Variants in SUDS3 observed in about 807,000 individuals in gnomAD.
SUDS3 encodes SIN3A corepressor complex component SDS3, also known as sin3 histone deacetylase corepressor complex component SDS3.
Under a neutral mutation model 53.5 loss-of-function variants are expected in SUDS3, and 23 were observed. The ratio of observed to expected loss-of-function variants is 0.43; its 90% confidence interval spans 0.31 to 0.61. The LOEUF (loss-of-function observed/expected upper bound fraction) is 0.61, where lower values mean the gene tolerates loss of function less well. SUDS3 is among the 20% of genes least tolerant of loss of function. SUDS3 has a pLI of 0.10. For missense variants in SUDS3, 291 were observed against 405.9 expected (o/e 0.72, Z 2.43); for synonymous variants, 150 against 148.5 (o/e 1.01, Z -0.08).
intron 2 of SUDS3, among the ~76,000 whole-genome samples, chr12:118,381,089 T>C (rs1191456799): frequency 6.6e-6 from 1 of 152,124 alleles, no homozygotes; most frequent in African/African-American, 2.4e-5. Context: ...CTCAGGTGAG[T>C]GTAAACTCAC....
chr12:118,414,230 C>T (rs1047904157), intron 11 of SUDS3, 105 bp from the exon 12 acceptor site: 1 of 823,198 alleles, frequency 1.2e-6, no homozygotes, highest in Non-Finnish European at 1.9e-6. Context: ...CAAGAGGCTA[C>T]CAGCCTTCTG....
rs2046414617 is a variant in SUDS3, at chr12:118,417,777, T to G, written c.*3344T>G. On this transcript the variant is annotated 3_prime_UTR_variant, in exon 12 of 12. Transcript: ENST00000543473. The stretch of plus-strand genomic sequence containing the variant: ...ACTTGATAAGTGATAGAAATTTATT[T>G]TAGGTTTTTGATCCATTGCTTATGG... 2 of 152,104 alleles carry G rather than the reference T, an allele frequency of 1.3e-5. No individual in the cohort carries two copies. The highest frequency in any genetic ancestry group is 1.3e-4 in the Admixed American group (2 of 15,266). The allele number at this position is 152,104 out of a possible 1,614,324, so 9.4% of individuals were successfully genotyped here. A position where few individuals can be genotyped will look rare whatever the true frequency, so the allele number is the denominator to read the frequency against.
At chr12:118,401,724 G>T in intron 7 of SUDS3, 35 bp from the exon 8 acceptor site, 1 of 1,579,292 alleles carries the variant, frequency 6.3e-7, no homozygotes, top group Non-Finnish European at 8.7e-7. Flanking sequence ...CCTGGAAACT[G>T]TACTTTTCAC....
intron 4 of SUDS3, among the ~76,000 whole-genome samples, chr12:118,387,315 A>G (rs1021073211): frequency 2.2e-4 from 34 of 152,144 alleles, no homozygotes; most frequent in Admixed American, 3.9e-4. Context: ...AGGAGGTGGC[A>G]TTTGTGGAAG....
At chr12:118,388,828 C>CAT (rs886091421) in intron 4 of SUDS3, among the ~76,000 whole-genome samples, 6 of 152,174 alleles carry the variant, frequency 3.9e-5, no homozygotes, top group Non-Finnish European at 8.8e-5. Flanking sequence ...TTCCTTACCA[C>CAT]ATATAGCCCT....
chr12:118,382,601 A>G (rs2046076410), intron 2 of SUDS3, among the ~76,000 whole-genome samples: 1 of 151,508 alleles, frequency 6.6e-6, no homozygotes, highest in African/African-American at 2.4e-5. Context: ...GCCTGAGCTC[A>G]AGCATTCCTC....
At chr12:118,400,579 C>T in intron 6 of SUDS3, 80 bp from the exon 7 acceptor site, 6 of 1,327,702 alleles carry the variant, frequency 4.5e-6, no homozygotes, top group Non-Finnish European at 6.5e-6. Flanking sequence ...GGCTGGGGGG[C>T]AGATATTCTT....
chr12:118,378,311 G>A (rs989255269), intron 1 of SUDS3, among the ~76,000 whole-genome samples: 7 of 151,968 alleles, frequency 4.6e-5, no homozygotes, highest in East Asian at 1.9e-4. Context: ...TTGGCTCTGC[G>A]TATCTGTGGG....
chr12:118,396,259 T>C (rs2046214453), intron 6 of SUDS3, among the ~76,000 whole-genome samples: 1 of 152,174 alleles, frequency 6.6e-6, no homozygotes, highest in African/African-American at 2.4e-5. Flanking sequence ...AAATTTAAAG[T>C]ACATTTAATT....
chr12:118,380,024 T>C, intron 1 of SUDS3, 138 bp from the exon 2 acceptor site: 1 of 696,474 alleles, frequency 1.4e-6, no homozygotes, highest in East Asian at 2.7e-5. Context: ...GTAATGTTTT[T>C]CATTGATGGC....
At position 118,376,570 on chromosome 12, in the gene SUDS3, G is replaced by C; in HGVS notation, c.-122G>C. 1 of 1,209,760 alleles carries C rather than the reference G, an allele frequency of 8.3e-7. No individual in the cohort carries two copies. The highest frequency in any genetic ancestry group is 1.6e-5 in the African/African-American group (1 of 63,420). 74.9% of individuals were successfully genotyped at this position (1,209,760 alleles called of 1,614,324 possible). A position where few individuals can be genotyped will look rare whatever the true frequency, so the allele number is the denominator to read the frequency against. On this transcript the variant is annotated 5_prime_UTR_variant, in exon 1 of 12. Coordinates refer to ENST00000543473, the MANE Select transcript of SUDS3 (RefSeq NM_022491.3). ...GGAGCTCGGCGGAGACGGGGAAGGG[G>C]TCGCCGTGGCTGCCGGTCCTCGAGT... is the stretch of plus-strand genomic sequence containing the variant.
In SUDS3 at chr12:118,416,692, T is replaced by G. The variant is rs1169068367; in HGVS notation, c.*2259T>G. On this transcript the variant is annotated 3_prime_UTR_variant, in exon 12 of 12. Transcript: ENST00000543473. ...ATCAGCAGTTGAAGCCTGACAGGCC[T>G]CAGTGGTGACCAGGAACAGAAGCAG... is the stretch of plus-strand genomic sequence containing the variant. The G allele has an allele frequency of 6.6e-6, 1 of 152,226 alleles. No individual in the cohort carries two copies. The highest frequency in any genetic ancestry group is 1.5e-5 in the Non-Finnish European group (1 of 68,050). The allele number at this position is 152,226 out of a possible 1,614,324, so 9.4% of individuals were successfully genotyped here.
At chr12:118,389,659 G>A (rs1056738926) in intron 4 of SUDS3, among the ~76,000 whole-genome samples, 1 of 152,122 alleles carries the variant, frequency 6.6e-6, no homozygotes, top group Non-Finnish European at 1.5e-5. Context: ...GGGATTACAG[G>A]CGCCTGCCAC....
chr12:118,377,636 C>CA (rs754457607), intron 1 of SUDS3, among the ~76,000 whole-genome samples: 24 of 151,440 alleles, frequency 1.6e-4, no homozygotes, highest in Non-Finnish European at 3.2e-4. Context: ...CCTTGCTTTT[C>CA]AAACTGGGCT....
chr12:118,405,509 C>T (rs2046301417), intron 10 of SUDS3, among the ~76,000 whole-genome samples: 1 of 152,224 alleles, frequency 6.6e-6, no homozygotes, highest in Admixed American at 6.5e-5. Flanking sequence ...TTTTCACCAT[C>T]TTTCTTACAT....
In SUDS3 at chr12:118,415,927, T is replaced by C. The variant is rs1258794971; in HGVS notation, c.*1494T>C. 1 of 119,804 alleles carries C rather than the reference T, an allele frequency of 8.3e-6. No individual in the cohort carries two copies. The highest frequency in any genetic ancestry group is 1.8e-5 in the Non-Finnish European group (1 of 56,934). 7.4% of individuals were successfully genotyped at this position (119,804 alleles called of 1,614,324 possible). A position where few individuals can be genotyped will look rare whatever the true frequency, so the allele number is the denominator to read the frequency against. On this transcript the variant is annotated 3_prime_UTR_variant, in exon 12 of 12. Coordinates refer to ENST00000543473, the MANE Select transcript of SUDS3 (RefSeq NM_022491.3). ...TTAACTTACAATCCGTTTTTTCCTC[T>C]TTTTTTTTTTTTTTTCTGGTGTTGG...
At chr12:118,409,239 C>T (rs567287351) in intron 10 of SUDS3, among the ~76,000 whole-genome samples, 19 of 151,938 alleles carry the variant, frequency 1.3e-4, no homozygotes, top group Middle Eastern at 3.4e-3. Flanking sequence ...GCTCCGCCTC[C>T]GGGGTCAAGC....
chr12:118,412,077 C>T (rs922557708), intron 11 of SUDS3, among the ~76,000 whole-genome samples: 1 of 152,132 alleles, frequency 6.6e-6, no homozygotes, highest in Non-Finnish European at 1.5e-5. Context: ...GGGTTATGCC[C>T]TTGGTTTTTG....
At chr12:118,400,874 G>A in intron 7 of SUDS3, 120 bp downstream of exon 7, 1 of 922,078 alleles carries the variant, frequency 1.1e-6, no homozygotes, top group South Asian at 1.4e-5. Context: ...CATTTAACTG[G>A]AAAGCGTGTG....
Sources: gnomAD v4.1 joint callset for allele counts (sites outside exome capture counted in the v4.1 genomes callset) on GRCh38, gnomAD v4.1.1 for gene constraint, MANE v1.5 for transcripts, NCBI Gene and HGNC (gene_info 2026-07-23, HGNC 2026-07-21) for gene names.